TNN: variants seen among roughly 807,000 people sequenced by gnomAD.
TNN encodes tenascin N.
TNN carries 122 observed loss-of-function variants against 134.4 expected under a neutral mutation model. The ratio of observed to expected loss-of-function variants is 0.91; its 90% confidence interval spans 0.78 to 1.06. The LOEUF is 1.06. Ranked by LOEUF, TNN falls within the 50% of genes least tolerant of loss-of-function variation. The pLI, the probability that TNN is intolerant of heterozygous loss-of-function variation, is 0.00. For synonymous variants in TNN, 710 were observed against 670.3 expected (o/e 1.06, Z -0.91); for missense variants, 1,739 against 1,699.4 (o/e 1.02, Z -0.41).
chr1:175,103,588 T>C (rs368675097), intron 9 of TNN, among the ~76,000 whole-genome samples: 1 of 145,654 alleles, frequency 6.9e-6, no homozygotes. Context: ...TTACTACTTC[T>C]ATCTCTCTCT....
chr1:175,118,508 C>G, intron 10 of TNN, 53 bp from the exon 11 acceptor site: 1 of 1,599,838 alleles, frequency 6.3e-7, no homozygotes, highest in Non-Finnish European at 8.5e-7. Context: ...CCACCAGTTT[C>G]TGCACTCTGG....
chr1:175,117,144 G>A lies in TNN; in HGVS notation c.2325G>A (p.Val775=), dbSNP rs370640670. 3 of 1,614,148 alleles carry A rather than the reference G, an allele frequency of 1.9e-6. No homozygotes were observed. The highest frequency in any genetic ancestry group is 1.3e-5 in the African/African-American group (1 of 74,952). The change falls in exon 10 of 19, where the codon GTG becomes GTA. Residue 775 remains valine (V), a synonymous_variant. Coordinates refer to ENST00000239462, the MANE Select transcript of TNN (RefSeq NM_022093.2). The stretch of plus-strand genomic sequence containing the variant: ...TGAGGCCGGGTGTGGAGTACACGGT[G>A]CACGTGTGGGCCCAGAAGGGGGCCC... ...TGLRPGVEYT[V]HVWAQKGAQE... is the part of the protein sequence containing the mutation.
intron 15 of TNN, among the ~76,000 whole-genome samples, chr1:175,131,209 G>A (rs186255853): frequency 4.6e-5 from 7 of 152,300 alleles, no homozygotes; most frequent in African/African-American, 7.2e-5. Flanking sequence ...AAACTCTGCC[G>A]CTGGTGGGAG....
At chr1:175,107,980 C>CTAGA (rs1558360517) in intron 9 of TNN, among the ~76,000 whole-genome samples, 1 of 140,578 alleles carries the variant, frequency 7.1e-6, no homozygotes, top group Non-Finnish European at 1.5e-5. Context: ...GCCAGAGCAG[C>CTAGA]TAGATACACA....
intron 9 of TNN, among the ~76,000 whole-genome samples, chr1:175,110,681 T>G (rs1674995650): frequency 6.6e-6 from 1 of 152,244 alleles, no homozygotes; most frequent in Non-Finnish European, 1.5e-5. Flanking sequence ...GCAGTAAATA[T>G]GTGGATTTAT....
intron 3 of TNN, 37 bp downstream of exon 3, chr1:175,079,744 T>C (rs1340004056): frequency 1.3e-6 from 2 of 1,537,500 alleles, no homozygotes; most frequent in African/African-American, 2.7e-5. Flanking sequence ...CGCCGGACTC[T>C]TCTTTCCAAT....
At position 175,097,459 on chromosome 1, in the gene TNN, AG is replaced by A. The variant is rs767328279; in HGVS notation, c.1632del (p.Asn545IlefsTer43). On this transcript the variant is annotated frameshift_variant, in exon 8 of 19. Transcript: ENST00000239462. LOFTEE classifies it high-confidence loss of function. ...PANLVTDRVT[E>X]NTATISWDPV... ...AACCTGGTGACTGACCGGGTGACTG[AG>A]AATACCGCCACCATCTCCTGGGACC... The A allele has an allele frequency of 4.3e-6, 7 of 1,614,258 alleles. No individual in the cohort carries two copies. In the Admixed American group the frequency reaches 5.0e-5, roughly 12 times the overall value.
At chr1:175,142,711 G>A (rs533006075) in intron 17 of TNN, among the ~76,000 whole-genome samples, 83 of 151,882 alleles carry the variant, frequency 5.5e-4, no homozygotes, top group African/African-American at 2.0e-3. Context: ...TCCACCTCCC[G>A]GATTCAAGCA....
intron 15 of TNN, among the ~76,000 whole-genome samples, chr1:175,132,604 G>T (rs1675702473): frequency 6.6e-6 from 1 of 152,204 alleles, no homozygotes; most frequent in Non-Finnish European, 1.5e-5. Context: ...TTTTTATGTG[G>T]TGTCTCATTT....
intron 10 of TNN, 32 bp downstream of exon 10, chr1:175,117,237 G>A (rs764791180): frequency 7.5e-6 from 12 of 1,604,518 alleles, no homozygotes; most frequent in Admixed American, 3.6e-5. Context: ...GAATATAAGA[G>A]CTTTCATGCT....
In TNN at chr1:175,127,028, C is replaced by A. The variant is rs1675546443; in HGVS notation, c.2988C>A (p.Pro996=). The A allele has an allele frequency of 3.1e-6, 5 of 1,614,182 alleles. No individual in the cohort carries two copies. In the East Asian group the frequency reaches 6.7e-5, roughly 22 times the overall value. Residue 996 remains proline (P), a synonymous_variant, in exon 13 of 19, where the codon CCC becomes CCA. Coordinates refer to ENST00000239462, the MANE Select transcript of TNN (RefSeq NM_022093.2). ...QSGGILTWTP[P]SAQIHGYILT... ...GTGGCATATTGACCTGGACGCCCCC[C>A]TCTGCTCAGATCCACGGCTACATTC...
At chr1:175,102,573 C>A (rs569290442) in intron 9 of TNN, among the ~76,000 whole-genome samples, 1 of 146,052 alleles carries the variant, frequency 6.8e-6, no homozygotes, top group African/African-American at 2.5e-5. Context: ...CCGGGGCCAG[C>A]AGGGCTGGCC....
At chr1:175,109,687 A>T (rs1240845533) in intron 9 of TNN, among the ~76,000 whole-genome samples, 1 of 148,868 alleles carries the variant, frequency 6.7e-6, no homozygotes, top group Non-Finnish European at 1.5e-5. Flanking sequence ...ATATATATAT[A>T]CACATACATA....
chr1:175,129,166 G>A (rs902459263), intron 15 of TNN, among the ~76,000 whole-genome samples: 4 of 152,108 alleles, frequency 2.6e-5, no homozygotes, highest in East Asian at 1.9e-4. Context: ...ACAATGGTTC[G>A]TGATAAAGGA....
chr1:175,132,000 T>C (rs1314919589), intron 15 of TNN, among the ~76,000 whole-genome samples: 1 of 150,488 alleles, frequency 6.6e-6, no homozygotes, highest in Non-Finnish European at 1.5e-5. Context: ...GGTTCACTGA[T>C]AGGAGATAGA....
chr1:175,103,222 G>C (rs1674772923), intron 9 of TNN, among the ~76,000 whole-genome samples: 1 of 146,530 alleles, frequency 6.8e-6, no homozygotes, highest in Non-Finnish European at 1.5e-5. Context: ...AACTCCAGAA[G>C]TTGGTATAAG....
intron 9 of TNN, among the ~76,000 whole-genome samples, chr1:175,103,264 C>G (rs1674774005): frequency 6.8e-6 from 1 of 146,200 alleles, no homozygotes; most frequent in Non-Finnish European, 1.5e-5. Context: ...TTTCAGAAGC[C>G]TTTTCCTGTA....
chr1:175,104,071 A>G (rs1674794448), intron 9 of TNN, among the ~76,000 whole-genome samples: 1 of 145,822 alleles, frequency 6.9e-6, no homozygotes, highest in South Asian at 2.3e-4. Flanking sequence ...AGGGTGTGGG[A>G]CTTTCAGACA....
chr1:175,127,824 A>T (rs1235534071), intron 13 of TNN, among the ~76,000 whole-genome samples: 1 of 152,188 alleles, frequency 6.6e-6, no homozygotes. Context: ...TGATGCTCCC[A>T]GTAGTGCTGA....
Sources: gnomAD v4.1 joint callset for allele counts (sites outside exome capture counted in the v4.1 genomes callset) on GRCh38, gnomAD v4.1.1 for gene constraint, MANE v1.5 for transcripts, NCBI Gene and HGNC (gene_info 2026-07-23, HGNC 2026-07-21) for gene names.